TRDN: variants seen among roughly 807,000 people sequenced by gnomAD.
TRDN encodes the protein triadin in skeletal muscle.
TRDN carries 161 observed loss-of-function variants against 149.7 expected under a neutral mutation model. That is an observed-to-expected ratio of 1.08 (90% confidence interval 0.95 to 1.23). TRDN has a LOEUF of 1.23. Among genes scored for constraint, TRDN ranks in the 50% most tolerant of loss-of-function variants. TRDN has a pLI of 0.00. For synonymous variants in TRDN, 294 were observed against 250.5 expected, an observed-to-expected ratio of 1.17 and a Z score of -1.64; for missense variants, 896 against 823.5, an observed-to-expected ratio of 1.09 and a Z score of -1.08.
At chr6:123,253,228 T>G (rs1221860824) in intron 37 of TRDN, among the ~76,000 whole-genome samples, 1 of 152,014 alleles carries the variant, frequency 6.6e-6, no homozygotes, top group Non-Finnish European at 1.5e-5. Context: ...GAAATTATTG[T>G]CCCAAACACT....
chr6:123,438,986 T>C lies in TRDN; in HGVS notation c.949A>G (p.Lys317Glu), dbSNP rs138624936. ...GAAGTAACTTTCTTCTCAGCCTTCTTCTTTTCCCCTTCTTTTTCTAGAGAA... is the reference window on the plus strand; with the variant it reads ...GAAGTAACTTTCTTCTCAGCCTTCTCCTTTTCCCCTTCTTTTTCTAGAGAA... ...PALEEKEGEK[K>E]KAEKKVTSET... The change falls in exon 11 of 41, where the codon AAG becomes GAG. Residue 317 changes from lysine (K) to glutamate (E), a missense_variant. Physicochemically the swap from Lys to Glu is moderately conservative, Grantham distance 56. Transcript: ENST00000334268. The C allele has an allele frequency of 1.7e-5, 27 of 1,559,316 alleles. No individual in the cohort carries two copies. The African/African-American group carries it at 2.8e-4, about 16-fold the overall frequency.
intron 22 of TRDN, among the ~76,000 whole-genome samples, chr6:123,334,021 C>T (rs1187920301): frequency 1.3e-5 from 2 of 151,972 alleles, no homozygotes; most frequent in African/African-American, 2.4e-5. Flanking sequence ...TTTCCACTGC[C>T]TTACACTACC....
Position 123,255,075 on chromosome 6 carries a change from G to T in TRDN, c.1951+6C>A, listed in dbSNP as rs781510666. ...CAAACATAGTAGTTACGTAATTCAAGATTACCTTTTGTCACATTGTGTAAT... is the reference window on the plus strand; with the variant it reads ...CAAACATAGTAGTTACGTAATTCAATATTACCTTTTGTCACATTGTGTAAT... On this transcript the variant is annotated splice_donor_region_variant and intron_variant, in intron 37 of 40. Transcript: ENST00000334268. 1.8e-5 allele frequency: 25 copies of T among 1,363,512 alleles called. No individual in the cohort carries two copies. In the African/African-American group the frequency reaches 2.6e-4, roughly 14 times the overall value. The allele number at this position is 1,363,512 out of a possible 1,614,324, so 84.5% of individuals were successfully genotyped here. A position where few individuals can be genotyped will look rare whatever the true frequency, so the allele number is the denominator to read the frequency against.
chr6:123,349,588 GTT>G (rs1172647963), intron 21 of TRDN: 1 of 889,932 alleles, frequency 1.1e-6, no homozygotes, highest in African/African-American at 1.8e-5. Flanking sequence ...ATACAATTGT[GTT>G]AACTAAATCT....
At chr6:123,446,599 A>G (rs1049987798) in intron 10 of TRDN, among the ~76,000 whole-genome samples, 1 of 149,766 alleles carries the variant, frequency 6.7e-6, no homozygotes. Context: ...AAAAAAAAAA[A>G]AAAAAAAAAA....
chr6:123,437,383 T>A (rs1357094100), intron 12 of TRDN: 2 of 51,036 alleles, frequency 3.9e-5, no homozygotes, highest in Admixed American at 2.0e-4. Context: ...AGATACAGAT[T>A]TTTTTTTTTT....
At chr6:123,585,209 T>C (rs1270736884) in intron 1 of TRDN, among the ~76,000 whole-genome samples, 4 of 150,402 alleles carry the variant, frequency 2.7e-5, no homozygotes, top group Non-Finnish European at 5.9e-5. Context: ...CAATGAGATG[T>C]AGCTGTAATC....
chr6:123,303,409 A>C lies in TRDN; in HGVS notation c.1510+13048T>G, dbSNP rs1486865550. On this transcript the variant is annotated intron_variant, in intron 24 of 40. Coordinates refer to ENST00000334268, the MANE Select transcript of TRDN (RefSeq NM_006073.4). ...AAAGACATAACTCACAGAACAGATAATATAGGAGCTAAGACACAAGGTTAG... is the reference window on the plus strand; with the variant it reads ...AAAGACATAACTCACAGAACAGATACTATAGGAGCTAAGACACAAGGTTAG... Among the ~76,000 whole-genome samples, 7 of 152,280 alleles carry C rather than the reference A, an allele frequency of 4.6e-5. No homozygotes were observed. In the East Asian group the frequency reaches 1.4e-3, roughly 29 times the overall value.
intron 4 of TRDN, among the ~76,000 whole-genome samples, 170 bp from the exon 5 acceptor site, chr6:123,530,735 A>G (rs1780205062): frequency 1.3e-5 from 2 of 151,906 alleles, no homozygotes; most frequent in Admixed American, 1.3e-4. Context: ...TAAACAAATC[A>G]CTTATTTATT....
chr6:123,351,150 A>G, intron 21 of TRDN: 1 of 984,600 alleles, frequency 1.0e-6, no homozygotes, highest in Non-Finnish European at 1.2e-6. Flanking sequence ...AAGCTATAAA[A>G]CTCAATGAAA....
chr6:123,559,958 G>A (rs969580813), intron 2 of TRDN, among the ~76,000 whole-genome samples: 6 of 151,994 alleles, frequency 3.9e-5, no homozygotes, highest in South Asian at 2.1e-4. Flanking sequence ...CACCCATCAG[G>A]CTCAGCGAAT....
At chr6:123,361,454 T>C (rs541949446) in intron 20 of TRDN, among the ~76,000 whole-genome samples, 7 of 152,056 alleles carry the variant, frequency 4.6e-5, no homozygotes, top group South Asian at 4.2e-4. Flanking sequence ...CAAACCACCA[T>C]GGCATGTGTA....
chr6:123,607,857 T>A (rs1784591871), intron 1 of TRDN, among the ~76,000 whole-genome samples: 1 of 151,766 alleles, frequency 6.6e-6, no homozygotes, highest in South Asian at 2.1e-4. Context: ...TAGTCTTTTT[T>A]TTTTTTTTTT....
At chr6:123,400,167 G>GTATATA (rs374126829) in intron 12 of TRDN, among the ~76,000 whole-genome samples, 4,652 of 123,278 alleles carry the variant, frequency 0.038, 206 homozygotes, top group African/African-American at 0.094. Context: ...ATATGTATGT[G>GTATATA]TATATATATA....
intron 10 of TRDN, among the ~76,000 whole-genome samples, chr6:123,455,302 T>A (rs537739592): frequency 4.6e-5 from 7 of 151,520 alleles, no homozygotes; most frequent in African/African-American, 1.7e-4. Context: ...GCTTTTTACA[T>A]GAGTGATTGC....
At chr6:123,253,081 TA>T (rs1776430919) in intron 37 of TRDN, among the ~76,000 whole-genome samples, 3 of 152,088 alleles carry the variant, frequency 2.0e-5, no homozygotes, top group Admixed American at 1.3e-4. Context: ...TACCAGACTA[TA>T]AAATACATCT....
chr6:123,271,710 G>A (rs992266780), intron 29 of TRDN, among the ~76,000 whole-genome samples: 2 of 151,952 alleles, frequency 1.3e-5, no homozygotes, highest in Non-Finnish European at 2.9e-5. Flanking sequence ...TTGGGTCAAA[G>A]TAAAGAGATT....
intron 4 of TRDN, among the ~76,000 whole-genome samples, chr6:123,537,018 A>G (rs1780582083): frequency 6.6e-6 from 1 of 152,148 alleles, no homozygotes; most frequent in Non-Finnish European, 1.5e-5. Flanking sequence ...TATTAAGGAC[A>G]TTAAGCATGT....
chr6:123,462,660 T>C (rs756685345), intron 10 of TRDN: 1 of 152,192 alleles, frequency 6.6e-6, no homozygotes, highest in Non-Finnish European at 1.5e-5. Context: ...CAGCATACTT[T>C]AGTGCCACAT....
Sources: gnomAD v4.1 joint callset for allele counts (sites outside exome capture counted in the v4.1 genomes callset) on GRCh38, gnomAD v4.1.1 for gene constraint, MANE v1.5 for transcripts, NCBI Gene and HGNC (gene_info 2026-07-23, HGNC 2026-07-21) for gene names.